KMT2A: variants seen among roughly 807,000 people sequenced by gnomAD.
KMT2A encodes the protein lysine methyltransferase 2A, also known as histone-lysine N-methyltransferase 2A.
KMT2A carries 16 observed loss-of-function variants against 345.3 expected under a neutral mutation model. The ratio of observed to expected loss-of-function variants is 0.05; its 90% CI spans 0.03 to 0.07. KMT2A has a LOEUF of 0.07. Among genes scored for constraint, KMT2A ranks in the 10% least tolerant of loss-of-function variants. The pLI, the probability that KMT2A is intolerant of heterozygous loss-of-function variation, is 1.00. For synonymous variants in KMT2A, 1,599 were observed against 1,778.6 expected, an observed-to-expected ratio of 0.90 and a Z score of 2.54; for missense variants, 3,272 against 4,841.6, an observed-to-expected ratio of 0.68 and a Z score of 9.62.
At chr11:118,437,321 C>A (rs1949210221) in intron 1 of KMT2A, among the ~76,000 whole-genome samples, 1 of 152,072 alleles carries the variant, frequency 6.6e-6, no homozygotes, top group Non-Finnish European at 1.5e-5. Context: ...GATCCCGCCA[C>A]ATCCCCGCCT....
chr11:118,503,400 C>T lies in KMT2A; in HGVS notation c.7508C>T (p.Ala2503Val). The T allele has an allele frequency of 6.2e-7, 1 of 1,614,034 alleles. No homozygotes were observed. Among genetic ancestry groups the T allele is most frequent in the South Asian group, 1.1e-5 (1 of 91,074 alleles). ...KGLSMPGVPK[A>V]PPMQVEGSAK... is the part of the protein sequence containing the mutation. ...CTTTCTATGCCAGGAGTCCCCAAAG[C>T]TCCACCCATGCAAGTAGAAGGATCT... The change falls in exon 27 of 36, where the codon GCT becomes GTT. Residue 2503 changes from alanine (A) to valine (V), a missense_variant. Coordinates refer to ENST00000534358, the MANE Select transcript of KMT2A (RefSeq NM_001197104.2). This position sits in a 1 kb window ranked among gnomAD's most constrained non-coding sequence, Gnocchi z 5.3.
chr11:118,513,510 G>A (rs1210847773), intron 31 of KMT2A, among the ~76,000 whole-genome samples: 2 of 151,752 alleles, frequency 1.3e-5, no homozygotes, highest in Non-Finnish European at 2.9e-5. Flanking sequence ...TATGTGACAG[G>A]TACATGCATG....
chr11:118,472,494 T>C lies in KMT2A; in HGVS notation c.1335T>C (p.Ser445=), dbSNP rs782268376. The part of the protein sequence containing the change: ...DPPIKIARLE[S]TPNSRFSAPS... ...CAATTAAAATTGCCCGATTAGAGTCTACACCGAATAGTAGATTCAGTGCCC... is the reference window on the plus strand; with the variant it reads ...CAATTAAAATTGCCCGATTAGAGTCCACACCGAATAGTAGATTCAGTGCCC... The change falls in exon 3 of 36, where the codon TCT becomes TCC. Residue 445 remains serine (S), a synonymous_variant. Transcript: ENST00000534358. The C allele has an allele frequency of 1.2e-6, 2 of 1,613,528 alleles. No homozygotes were observed. Among genetic ancestry groups the C allele is most frequent in the Non-Finnish European group, 1.7e-6 (2 of 1,179,928 alleles).
At chr11:118,485,128 GAAGGAATCTGCTATT>G (rs1555040540) in intron 10 of KMT2A, among the ~76,000 whole-genome samples, 153 bp downstream of exon 10, 3 of 152,156 alleles carry the variant, frequency 2.0e-5, no homozygotes, top group Non-Finnish European at 1.5e-5. Flanking sequence ...GAGATTTTAG[GAAGGAATCTGCTATT>G]AGAGTAGCAA....
At position 118,476,194 on chromosome 11, in the gene KMT2A, C is replaced by T. The variant is rs1349511599; in HGVS notation, c.3157-611C>T. ...TGCTGGGAGTTGCAGGCGTGAGCCACCACCTATACTTTCATTTATAAGTTA... is the reference window on the plus strand; with the variant it reads ...TGCTGGGAGTTGCAGGCGTGAGCCATCACCTATACTTTCATTTATAAGTTA... On this transcript the variant is annotated intron_variant, in intron 3 of 35. Coordinates refer to ENST00000534358, the MANE Select transcript of KMT2A (RefSeq NM_001197104.2). This position sits in a 1 kb window ranked among gnomAD's most constrained non-coding sequence, Gnocchi z 4.1. Among the ~76,000 whole-genome samples the T allele has an allele frequency of 6.6e-6, 1 of 152,202 alleles. No individual in the cohort carries two copies. The highest frequency in any genetic ancestry group is 6.5e-5 in the Admixed American group (1 of 15,286).
Position 118,510,052 on chromosome 11 carries a change from A to G in KMT2A, c.11005A>G (p.Lys3669Glu). Residue 3669 changes from lysine to glutamate, a missense_variant, in exon 30 of 36, where the codon AAG (lysine) becomes GAG (glutamate). Physicochemically the swap from Lys to Glu is moderately conservative, Grantham distance 56. Around this residue, in one of 27 missense-constraint regions of KMT2A, gnomAD observed 748 missense variants for 922.2 expected, o/e 0.81. Transcript: ENST00000534358. This position sits in a 1 kb window ranked among gnomAD's most constrained non-coding sequence, Gnocchi z 4.1. ...GGAAAGCATTACTGAGAAAAAACCCAAGAAAGGACTTGTTTTTGAAATTTC... is the reference window on the plus strand; with the variant it reads ...GGAAAGCATTACTGAGAAAAAACCCGAGAAAGGACTTGTTTTTGAAATTTC... ...RKESITEKKPKKGLVFEISSD... is the reference protein window; with the variant it reads ...RKESITEKKPEKGLVFEISSD... 1 of 1,614,020 alleles carries G rather than the reference A, an allele frequency of 6.2e-7. No individual in the cohort carries two copies. Among genetic ancestry groups the G allele is most frequent in the Non-Finnish European group, 8.5e-7 (1 of 1,179,922 alleles).
At position 118,522,387 on chromosome 11, in the gene KMT2A, G is replaced by A. The variant is rs1317783851; in HGVS notation, c.*215G>A. 1.3e-5 allele frequency: 7 copies of A among 550,182 alleles called. 1 individual carries two copies. Among genetic ancestry groups the A allele is most frequent in the South Asian group, 7.2e-5 (3 of 41,422 alleles). The allele number at this position is 550,182 out of a possible 1,614,324, so 34.1% of individuals were successfully genotyped here. On this transcript the variant is annotated 3_prime_UTR_variant, in exon 36 of 36. Coordinates refer to ENST00000534358, the MANE Select transcript of KMT2A (RefSeq NM_001197104.2). This position sits in a 1 kb window ranked among gnomAD's most constrained non-coding sequence, Gnocchi z 5.4. ...GGTCTCGAAGAAAAGATCCATGATC[G>A]GCTTTCTCCTGGGGCCCCTCCAATT...
intron 1 of KMT2A, among the ~76,000 whole-genome samples, chr11:118,442,091 C>T (rs969342061): frequency 2.6e-5 from 4 of 152,140 alleles, no homozygotes; most frequent in African/African-American, 7.2e-5. Flanking sequence ...TTGTGCCTGC[C>T]CACATTCCAC....
Position 118,524,944 on chromosome 11 carries a change from T to G in KMT2A, c.*2772T>G, listed in dbSNP as rs1442417790. 1 of 205,560 alleles carries G rather than the reference T, an allele frequency of 4.9e-6. No individual in the cohort carries two copies. The highest frequency in any genetic ancestry group is 1.0e-5 in the Non-Finnish European group (1 of 100,344). 12.7% of individuals were successfully genotyped at this position (205,560 alleles called of 1,614,324 possible). On this transcript the variant is annotated 3_prime_UTR_variant, in exon 36 of 36. Transcript: ENST00000534358. ...CCCACAGCTTCCTTCTCCTGCCAGC[T>G]GCAGATGGTTTGCCTTGCCTTTCCA...
rs944939831 is a variant in KMT2A at position 118,523,648 on chromosome 11, C to T, written c.*1476C>T. 10 of 227,818 alleles carry T rather than the reference C, an allele frequency of 4.4e-5. No individual in the cohort carries two copies. The highest frequency in any genetic ancestry group is 1.3e-4 in the East Asian group (2 of 15,752). The allele number at this position is 227,818 out of a possible 1,614,324, so 14.1% of individuals were successfully genotyped here. A position where few individuals can be genotyped will look rare whatever the true frequency, so the allele number is the denominator to read the frequency against. ...TATGACAAGGCTATTTTTTAAACCG[C>T]GGTATTATCCTAATTTAAAAGAAGA... On this transcript the variant is annotated 3_prime_UTR_variant, in exon 36 of 36. Coordinates refer to ENST00000534358, the MANE Select transcript of KMT2A (RefSeq NM_001197104.2).
rs139132855 is a variant in KMT2A, at chr11:118,486,933, T to C, written c.4333-1681T>C. Among the ~76,000 whole-genome samples the C allele has an allele frequency of 1.4e-4, 21 of 152,238 alleles. No homozygotes were observed. In the East Asian group the frequency reaches 4.0e-3, roughly 29 times the overall value. On this transcript the variant is annotated intron_variant, in intron 10 of 35. Transcript: ENST00000534358. ...AAAAAATAAGAAAATCCAAGCTAGGTTGAAATCTGAATGTTGAGCAGTCAG... is the reference window on the plus strand; with the variant it reads ...AAAAAATAAGAAAATCCAAGCTAGGCTGAAATCTGAATGTTGAGCAGTCAG...
chr11:118,473,867 C>G lies in KMT2A; in HGVS notation c.2708C>G (p.Ser903Cys). The change falls in exon 3 of 36, where the codon TCT becomes TGT. Residue 903 changes from serine (S) to cysteine (C), a missense_variant. Coordinates refer to ENST00000534358, the MANE Select transcript of KMT2A (RefSeq NM_001197104.2). This position sits in a 1 kb window ranked among gnomAD's most constrained non-coding sequence, Gnocchi z 5.2. ...AAGGGATCAGAAATTCAGAGTAGTT[C>G]TGCTTTGTATCCTGTGGGTAGGGTT... The part of the protein sequence containing the change: ...RKKGSEIQSS[S>C]ALYPVGRVSK... 1 of 1,614,180 alleles carries G rather than the reference C, an allele frequency of 6.2e-7. No individual in the cohort carries two copies.
At chr11:118,469,108 A>G (rs1202930822) in intron 2 of KMT2A, among the ~76,000 whole-genome samples, 1 of 152,034 alleles carries the variant, frequency 6.6e-6, no homozygotes, top group African/African-American at 2.4e-5. Context: ...GTCATCTAGC[A>G]TTAGGTATAT....
Position 118,491,654 on chromosome 11 carries a change from C to A in KMT2A, c.4820-90C>A. On this transcript the variant is annotated intron_variant, in intron 14 of 35. Coordinates refer to ENST00000534358, the MANE Select transcript of KMT2A (RefSeq NM_001197104.2). This position sits in a 1 kb window ranked among gnomAD's most constrained non-coding sequence, Gnocchi z 4.2. ...TCTTAATGTGGTTCCCAACATATGG[C>A]TTTATAGTAAGTTCAGTGGAATAGT... The A allele has an allele frequency of 2.0e-6, 2 of 1,016,094 alleles. No individual in the cohort carries two copies. Among genetic ancestry groups the A allele is most frequent in the Admixed American group, 2.5e-5 (1 of 40,460 alleles). The allele number at this position is 1,016,094 out of a possible 1,614,324, so 62.9% of individuals were successfully genotyped here. A position where few individuals can be genotyped will look rare whatever the true frequency, so the allele number is the denominator to read the frequency against.
intron 1 of KMT2A, among the ~76,000 whole-genome samples, chr11:118,439,925 CTTT>C (rs782040203): frequency 1.4e-5 from 2 of 139,888 alleles, no homozygotes; most frequent in Non-Finnish European, 1.6e-5. Flanking sequence ...GAAGCAAGCA[CTTT>C]TTTTTTTTTT....
At chr11:118,457,153 G>GA (rs1356137799) in intron 1 of KMT2A, among the ~76,000 whole-genome samples, 3 of 150,550 alleles carry the variant, frequency 2.0e-5, no homozygotes, top group Admixed American at 2.0e-4. Context: ...TCTCCTACCA[G>GA]AGTCACTAAT....
At position 118,480,301 on chromosome 11, in the gene KMT2A, C is replaced by T. The variant is rs1429543141; in HGVS notation, c.3634+63C>T. 6.5e-6 allele frequency: 8 copies of T among 1,234,658 alleles called. No individual in the cohort carries two copies. In the East Asian group the frequency reaches 1.4e-4, roughly 22 times the overall value. The allele number at this position is 1,234,658 out of a possible 1,614,324, so 76.5% of individuals were successfully genotyped here. A position where few individuals can be genotyped will look rare whatever the true frequency, so the allele number is the denominator to read the frequency against. On this transcript the variant is annotated intron_variant, in intron 6 of 35. Coordinates refer to ENST00000534358, the MANE Select transcript of KMT2A (RefSeq NM_001197104.2). Reference sequence around the variant, plus strand: ...TGCTTAAATGGTGTATAGTTGTATACACCCAGTAGAAGAGAATACTTTTTT... The same window carrying T: ...TGCTTAAATGGTGTATAGTTGTATATACCCAGTAGAAGAGAATACTTTTTT...
chr11:118,473,728 G>A lies in KMT2A; in HGVS notation c.2569G>A (p.Glu857Lys), dbSNP rs2134270387. Residue 857 changes from glutamate to lysine, a missense_variant, in exon 3 of 36, where the codon GAG becomes AAG. By Grantham distance (56) the Glu-to-Lys change is moderately conservative. This residue lies in a region of KMT2A where 209 missense variants were observed against 237.4 expected (regional missense o/e 0.88). Coordinates refer to ENST00000534358, the MANE Select transcript of KMT2A (RefSeq NM_001197104.2). This position sits in a 1 kb window ranked among gnomAD's most constrained non-coding sequence, Gnocchi z 5.2. ...RGRNKDKAPEELSKDRDADKS... is the reference protein window; with the variant it reads ...RGRNKDKAPEKLSKDRDADKS... ...GAGAAATAAAGACAAGGCCCCCGAG[G>A]AGCTGTCCAAAGATCGAGATGCTGA... 6.2e-7 allele frequency: 1 copy of A among 1,614,078 alleles called. No individual in the cohort carries two copies. The highest frequency in any genetic ancestry group is 8.5e-7 in the Non-Finnish European group (1 of 1,179,978).
intron 1 of KMT2A, among the ~76,000 whole-genome samples, chr11:118,437,696 C>T (rs1250866685): frequency 6.6e-6 from 1 of 150,692 alleles, no homozygotes; most frequent in Non-Finnish European, 1.5e-5. Context: ...CCCCGTCTTA[C>T]AGGGCTACAG....
Sources: gnomAD v4.1 joint callset for allele counts (sites outside exome capture counted in the v4.1 genomes callset) on GRCh38, gnomAD v4.1.1 for gene constraint, gnomAD v4.1.1 regional missense constraint, Gnocchi (gnomAD v3.1) non-coding constraint, MANE v1.5 for transcripts, NCBI Gene and HGNC (gene_info 2026-07-23, HGNC 2026-07-21) for gene names.